FRMD5: variants seen among roughly 807,000 people sequenced by gnomAD.
FRMD5 encodes FERM domain-containing protein 5.
FRMD5 carries 20 observed loss-of-function variants against 69.0 expected under a neutral mutation model. The observed-to-expected ratio is 0.29, with a 90% CI of 0.20 to 0.42. The LOEUF (loss-of-function observed/expected upper bound fraction) is 0.42, where lower values mean the gene tolerates loss of function less well. Among genes scored for constraint, FRMD5 ranks in the 10% least tolerant of loss-of-function variants. The probability of loss-of-function intolerance (pLI) is 1.00; values close to 1 mark genes in which losing one functional copy is unlikely to be tolerated. For synonymous variants in FRMD5, 271 were observed against 260.1 expected (o/e 1.04, Z -0.40); for missense variants, 595 against 708.6 (o/e 0.84, Z 1.82).
intron 1 of FRMD5, among the ~76,000 whole-genome samples, chr15:43,957,056 T>C (rs2090126533): frequency 6.6e-6 from 1 of 152,228 alleles, no homozygotes; most frequent in Non-Finnish European, 1.5e-5. Flanking sequence ...AACTGATTTA[T>C]ATAACGTTTT....
At chr15:43,958,801 C>G (rs914969252) in intron 1 of FRMD5, among the ~76,000 whole-genome samples, 2 of 152,190 alleles carry the variant, frequency 1.3e-5, no homozygotes, top group African/African-American at 4.8e-5. Context: ...TACTCAAGTT[C>G]TTATTAGTAC....
intron 1 of FRMD5, among the ~76,000 whole-genome samples, chr15:44,030,330 G>T (rs574957256): frequency 6.6e-6 from 1 of 152,086 alleles, no homozygotes; most frequent in Non-Finnish European, 1.5e-5. Context: ...GAATCACAAA[G>T]CCACTCCATT....
intron 13 of FRMD5, among the ~76,000 whole-genome samples, chr15:43,874,666 G>A (rs550880225): frequency 1.3e-5 from 2 of 151,960 alleles, no homozygotes; most frequent in East Asian, 3.9e-4. Context: ...TTGGGAGGCC[G>A]AGATGGGTGG....
chr15:43,962,374 A>AACT (rs2090216525), intron 1 of FRMD5, among the ~76,000 whole-genome samples: 1 of 152,188 alleles, frequency 6.6e-6, no homozygotes, highest in Non-Finnish European at 1.5e-5. Flanking sequence ...CTTCAAGGAG[A>AACT]ACTACAAACC....
intron 1 of FRMD5, among the ~76,000 whole-genome samples, chr15:43,998,808 A>G (rs1419278829): frequency 6.6e-6 from 1 of 152,192 alleles, no homozygotes; most frequent in East Asian, 1.9e-4. Context: ...GATTTGAATG[A>G]AAGACTCCGC....
chr15:43,961,984 A>C (rs2090209505), intron 1 of FRMD5, among the ~76,000 whole-genome samples: 1 of 152,332 alleles, frequency 6.6e-6, no homozygotes, highest in South Asian at 2.1e-4. Context: ...ATTCCCTTTG[A>C]AAACTGGCAT....
intron 1 of FRMD5, among the ~76,000 whole-genome samples, chr15:43,998,199 C>G (rs1595604408): frequency 6.6e-6 from 1 of 152,086 alleles, no homozygotes; most frequent in Non-Finnish European, 1.5e-5. Context: ...ATAAGACTAT[C>G]GCCTTTTAGT....
chr15:44,014,588 T>A (rs978940618), intron 1 of FRMD5, among the ~76,000 whole-genome samples: 1 of 152,010 alleles, frequency 6.6e-6, no homozygotes, highest in Non-Finnish European at 1.5e-5. Context: ...AATACAAAAA[T>A]TAGCCGGGTG....
intron 1 of FRMD5, among the ~76,000 whole-genome samples, chr15:44,028,473 T>A (rs1447536073): frequency 2.0e-5 from 3 of 152,212 alleles, no homozygotes; most frequent in Non-Finnish European, 1.5e-5. Flanking sequence ...CTAGAGAAGA[T>A]CAACTCTCAG....
intron 1 of FRMD5, among the ~76,000 whole-genome samples, chr15:44,032,132 G>A (rs1891710851): frequency 6.6e-6 from 1 of 152,038 alleles, no homozygotes; most frequent in Non-Finnish European, 1.5e-5. Context: ...AATGGTGGTG[G>A]GAAAACTGTC....
At chr15:43,994,675 A>G (rs28830267) in intron 1 of FRMD5, among the ~76,000 whole-genome samples, 1 of 152,124 alleles carries the variant, frequency 6.6e-6, no homozygotes. Context: ...CAAGTGATCT[A>G]CCAACCTCAG....
intron 1 of FRMD5, among the ~76,000 whole-genome samples, chr15:44,136,334 CTT>C: frequency 6.6e-6 from 1 of 152,062 alleles, no homozygotes; most frequent in East Asian, 1.9e-4. Flanking sequence ...TGAAATAAAA[CTT>C]TTCTTATCAG....
At chr15:43,949,765 C>A (rs974265024) in intron 1 of FRMD5, among the ~76,000 whole-genome samples, 2 of 152,068 alleles carry the variant, frequency 1.3e-5, no homozygotes, top group Non-Finnish European at 2.9e-5. Context: ...ATTAGGAGTC[C>A]TAAATTGAAT....
chr15:44,093,428 T>A (rs1352865571), intron 1 of FRMD5, among the ~76,000 whole-genome samples: 1 of 151,936 alleles, frequency 6.6e-6, no homozygotes, highest in Non-Finnish European at 1.5e-5. Context: ...GATGAGCACT[T>A]CTCCTGAAGA....
intron 1 of FRMD5, 52 bp from the exon 2 acceptor site, chr15:43,924,361 C>CTTT (rs5812256): frequency 1.9e-4 from 205 of 1,081,348 alleles, no homozygotes; most frequent in African/African-American, 4.7e-4. Flanking sequence ...TTCAGTGTAA[C>CTTT]TTTTTTTTTT....
chr15:44,194,619 G>A (rs915673353), intron 1 of FRMD5: 8 of 386,234 alleles, frequency 2.1e-5, no homozygotes, highest in South Asian at 1.5e-4. Flanking sequence ...CGCCCTACCC[G>A]CCTCCCTCCG....
intron 2 of FRMD5, among the ~76,000 whole-genome samples, chr15:43,920,732 T>C (rs1388209836): frequency 6.6e-6 from 1 of 152,258 alleles, no homozygotes; most frequent in African/African-American, 2.4e-5. Context: ...CAGTCTCGTT[T>C]ACCACTGTAT....
intron 1 of FRMD5, among the ~76,000 whole-genome samples, chr15:43,962,374 A>T (rs1351264337): frequency 6.6e-6 from 1 of 152,188 alleles, no homozygotes; most frequent in Non-Finnish European, 1.5e-5. Context: ...CTTCAAGGAG[A>T]ACTACAAACC....
At chr15:44,021,631 C>T (rs879672647) in intron 1 of FRMD5, among the ~76,000 whole-genome samples, 4 of 152,048 alleles carry the variant, frequency 2.6e-5, no homozygotes, top group African/African-American at 9.7e-5. Context: ...ACTAGGATGG[C>T]TATTACTAAA....
Sources: gnomAD v4.1 joint callset for allele counts (sites outside exome capture counted in the v4.1 genomes callset) on GRCh38, gnomAD v4.1.1 for gene constraint, MANE v1.5 for transcripts, NCBI Gene and HGNC (gene_info 2026-07-23, HGNC 2026-07-21) for gene names.